Variants in PTPN1 observed in about 807,000 individuals in gnomAD.
The protein encoded by PTPN1 is protein tyrosine phosphatase non-receptor type 1.
In PTPN1, 12 loss-of-function variants were observed where a neutral mutation model predicts 59.9. The observed-to-expected ratio is 0.20, with a 90% confidence interval of 0.13 to 0.32. The LOEUF is 0.32. Among genes scored for constraint, PTPN1 ranks in the 10% least tolerant of loss-of-function variants. PTPN1 has a pLI of 1.00. For missense variants in PTPN1, 356 were observed against 549.2 expected (o/e 0.65, Z 3.52); for synonymous variants, 178 against 203.6 (o/e 0.87, Z 1.07).
At chr20:50,546,358 A>T (rs2082676182) in intron 1 of PTPN1, among the ~76,000 whole-genome samples, 1 of 152,206 alleles carries the variant, frequency 6.6e-6, no homozygotes, top group African/African-American at 2.4e-5. Context: ...AGCCACACAG[A>T]GGAGCTTGGT....
intron 4 of PTPN1, chr20:50,572,717 G>A (rs1045538574): frequency 6.6e-6 from 1 of 152,112 alleles, no homozygotes; most frequent in Non-Finnish European, 1.5e-5. Flanking sequence ...CTTGTTTCTG[G>A]GGTCTTGAGG....
chr20:50,568,302 G>A lies in PTPN1; in HGVS notation c.256-78G>A. 1 of 1,334,496 alleles carries A rather than the reference G, an allele frequency of 7.5e-7. No individual in the cohort carries two copies. The highest frequency in any genetic ancestry group is 1.1e-6 in the Non-Finnish European group (1 of 927,704). 82.7% of individuals were successfully genotyped at this position (1,334,496 alleles called of 1,614,324 possible). The stretch of plus-strand genomic sequence containing the variant: ...GTGGGGACTGAGGGCGCTGTCGTTA[G>A]CTGACTGCAGAAGGTGAGCACACGC... On this transcript the variant is annotated intron_variant, in intron 3 of 9. Coordinates refer to ENST00000371621, the MANE Select transcript of PTPN1 (RefSeq NM_002827.4). This position sits in a 1 kb window ranked among gnomAD's most constrained non-coding sequence, Gnocchi z 5.6.
intron 1 of PTPN1, among the ~76,000 whole-genome samples, chr20:50,534,425 A>G (rs2082614941): frequency 6.6e-6 from 1 of 152,198 alleles, no homozygotes; most frequent in African/African-American, 2.4e-5. Context: ...GTCAGTAACC[A>G]TAAGATTTTA....
At position 50,547,613 on chromosome 20, in the gene PTPN1, C is replaced by T. The variant is rs549436730; in HGVS notation, c.64-13750C>T. ...TCCTGACCTTGTGATCCGCCTGCCT[C>T]GGCCTCCCAAAGTGCTGGGATTACA... On this transcript the variant is annotated intron_variant, in intron 1 of 9. Coordinates refer to ENST00000371621, the MANE Select transcript of PTPN1 (RefSeq NM_002827.4). Among the ~76,000 whole-genome samples the T allele has an allele frequency of 3.6e-3, 552 of 152,274 alleles. 3 individuals are homozygous for T. The highest frequency in any genetic ancestry group is 0.012 in the African/African-American group (516 of 41,556).
At chr20:50,545,175 C>T (rs1053575577) in intron 1 of PTPN1, among the ~76,000 whole-genome samples, 1 of 151,768 alleles carries the variant, frequency 6.6e-6, no homozygotes, top group African/African-American at 2.4e-5. Context: ...AGGCTGGTTC[C>T]AAACTCCTGA....
rs1422305846 is a variant in PTPN1 at position 50,579,128 on chromosome 20, AT to A, written c.703-38del. The A allele has an allele frequency of 1.9e-6, 3 of 1,606,632 alleles. 1 individual carries two copies. The Admixed American group carries it at 5.0e-5, about 27-fold the overall frequency. The stretch of plus-strand genomic sequence containing the variant: ...GGTGTTATTAACGTTGCCCTTGAGA[AT>A]TGGACCTGGCTGACTTATATCTCCT... On this transcript the variant is annotated intron_variant, in intron 6 of 9. Transcript: ENST00000371621.
intron 4 of PTPN1, chr20:50,571,229 G>A (rs896523631): frequency 2.0e-5 from 3 of 152,206 alleles, no homozygotes; most frequent in African/African-American, 7.2e-5. Context: ...TTTCCCTTTG[G>A]GTTACTGTGG....
rs1485554331 is a variant in PTPN1 at position 50,510,727 on chromosome 20, G to A, written c.63+137G>A. The A allele has an allele frequency of 7.5e-6, 7 of 937,164 alleles. No homozygotes were observed. In the Admixed American group the frequency reaches 2.5e-4, roughly 33 times the overall value. The allele number at this position is 937,164 out of a possible 1,614,324, so 58.1% of individuals were successfully genotyped here. On this transcript the variant is annotated intron_variant, in intron 1 of 9. Coordinates refer to ENST00000371621, the MANE Select transcript of PTPN1 (RefSeq NM_002827.4). ...CTGCTTGAGGATTCGATGGGACAGC[G>A]ACGCACTGCGTCCCCCCACCCTTTG... is the stretch of plus-strand genomic sequence containing the variant.
chr20:50,525,916 A>G (rs530937833), intron 1 of PTPN1, among the ~76,000 whole-genome samples: 2 of 152,236 alleles, frequency 1.3e-5, no homozygotes, highest in Admixed American at 1.3e-4. Flanking sequence ...CCACTGTCGC[A>G]GGGGGAGGCA....
At chr20:50,556,380 A>T (rs1315864254) in intron 1 of PTPN1, among the ~76,000 whole-genome samples, 1 of 151,910 alleles carries the variant, frequency 6.6e-6, no homozygotes, top group Admixed American at 6.6e-5. Flanking sequence ...TGTAGAGACG[A>T]GGCATCATTT....
chr20:50,514,784 T>C (rs2082521960), intron 1 of PTPN1, among the ~76,000 whole-genome samples: 1 of 152,242 alleles, frequency 6.6e-6, no homozygotes, highest in Non-Finnish European at 1.5e-5. Flanking sequence ...TACTTTATGC[T>C]GCCCATATTC....
At chr20:50,558,752 C>T (rs1885176) in intron 1 of PTPN1, among the ~76,000 whole-genome samples, 71,905 of 151,866 alleles carry the variant, frequency 0.47, 17,588 homozygotes, top group Middle Eastern at 0.65. Flanking sequence ...GTTGGGATAG[C>T]GTGTTCACAC....
chr20:50,572,846 G>T (rs2082817938), intron 4 of PTPN1: 1 of 152,220 alleles, frequency 6.6e-6, no homozygotes, highest in Non-Finnish European at 1.5e-5. Flanking sequence ...CATGTAATTA[G>T]CGCCTCCATG....
chr20:50,529,319 C>T (rs540340214), intron 1 of PTPN1, among the ~76,000 whole-genome samples: 1 of 152,244 alleles, frequency 6.6e-6, no homozygotes, highest in South Asian at 2.1e-4. Flanking sequence ...GAAATAGAGG[C>T]ATTTATTAAA....
intron 1 of PTPN1, among the ~76,000 whole-genome samples, chr20:50,532,797 G>A (rs2082607248): frequency 6.6e-6 from 1 of 152,084 alleles, no homozygotes; most frequent in African/African-American, 2.4e-5. Context: ...ACTGGAATTG[G>A]TTTTATCATT....
In PTPN1 at chr20:50,583,733, C is replaced by A. The variant is rs574143924; in HGVS notation, c.*1018C>A. 2 of 152,756 alleles carry A rather than the reference C, an allele frequency of 1.3e-5. No homozygotes were observed. Among genetic ancestry groups the A allele is most frequent in the African/African-American group, 4.8e-5 (2 of 41,566 alleles). 9.5% of individuals were successfully genotyped at this position (152,756 alleles called of 1,614,324 possible). ...TCCTGGCATGACACTCTAGTGACTT[C>A]CTGGTGAGGCCCAGCCTGTCCTGGT... On this transcript the variant is annotated 3_prime_UTR_variant, in exon 10 of 10. Transcript: ENST00000371621.
At chr20:50,531,754 G>A (rs572567270) in intron 1 of PTPN1, among the ~76,000 whole-genome samples, 3 of 152,292 alleles carry the variant, frequency 2.0e-5, no homozygotes, top group South Asian at 4.1e-4. Context: ...GCTCCACTGT[G>A]CTTGCTCTGG....
In PTPN1 at chr20:50,549,403, GTTGA is replaced by G. The variant is rs371658689; in HGVS notation, c.64-11956_64-11953del. Among the ~76,000 whole-genome samples, 48 of 152,272 alleles carry G rather than the reference GTTGA, an allele frequency of 3.2e-4. No individual in the cohort carries two copies. In the East Asian group the frequency reaches 6.6e-3, roughly 21 times the overall value. ...TGATTTGTGGGGAGTTTGTAAAGCA[GTTGA>G]TTGTTTTTTTTCCACGTAGTTTTCC... On this transcript the variant is annotated intron_variant, in intron 1 of 9. Coordinates refer to ENST00000371621, the MANE Select transcript of PTPN1 (RefSeq NM_002827.4).
chr20:50,521,374 G>T (rs762241442), intron 1 of PTPN1, among the ~76,000 whole-genome samples: 2 of 152,234 alleles, frequency 1.3e-5, no homozygotes, highest in Admixed American at 6.5e-5. Context: ...ACTGTGCAAA[G>T]TCCTTTACAT....
Sources: allele counts gnomAD v4.1 joint callset (sites outside exome capture counted in the v4.1 genomes callset), GRCh38; gene constraint gnomAD v4.1.1; non-coding constraint Gnocchi (gnomAD v3.1); transcripts MANE v1.5; gene names NCBI Gene and HGNC (gene_info 2026-07-23, HGNC 2026-07-21).